RBFOX1: variants seen among roughly 807,000 people sequenced by gnomAD.
RBFOX1 encodes the protein RNA binding fox-1 homolog 1, also known as RNA binding protein fox-1 homolog 1.
In RBFOX1, 8 loss-of-function variants were observed where a neutral mutation model predicts 57.7. The ratio of observed to expected loss-of-function variants is 0.14; its 90% CI spans 0.08 to 0.25. The LOEUF (loss-of-function observed/expected upper bound fraction) is 0.25. RBFOX1 is among the 10% of genes least tolerant of loss of function. The pLI, the probability that RBFOX1 is intolerant of heterozygous loss-of-function variation, is 1.00. For synonymous variants in RBFOX1, 326 were observed against 222.4 expected, an observed-to-expected ratio of 1.47 and a Z score of -4.15; for missense variants, 611 against 548.5, an observed-to-expected ratio of 1.11 and a Z score of -1.14.
At chr16:7,292,385 C>A (rs1234484579) in intron 4 of RBFOX1, among the ~76,000 whole-genome samples, 2 of 135,468 alleles carry the variant, frequency 1.5e-5, no homozygotes, top group Non-Finnish European at 3.1e-5. Flanking sequence ...ATATGATATA[C>A]ATGATATATA....
At chr16:5,756,248 A>T (rs981158990) in intron 3 of RBFOX1, among the ~76,000 whole-genome samples, 4 of 137,496 alleles carry the variant, frequency 2.9e-5, no homozygotes, top group Non-Finnish European at 6.2e-5. Context: ...AAAAAAAAAA[A>T]CCCTGCACCA....
chr16:6,397,471 G>A (rs955001114), intron 2 of RBFOX1, among the ~76,000 whole-genome samples: 33 of 152,108 alleles, frequency 2.2e-4, no homozygotes, highest in African/African-American at 7.7e-4. Context: ...GAAATTAATA[G>A]GAAGATGCAT....
At chr16:7,577,175 C>A (rs1015645435) in intron 5 of RBFOX1, among the ~76,000 whole-genome samples, 2 of 152,224 alleles carry the variant, frequency 1.3e-5, no homozygotes, top group Non-Finnish European at 2.9e-5. Context: ...AGTGAGCCAA[C>A]TGTTAAACAG....
chr16:5,544,865 C>T (rs1451595843), intron 2 of RBFOX1, among the ~76,000 whole-genome samples: 1 of 150,108 alleles, frequency 6.7e-6, no homozygotes, highest in African/African-American at 2.5e-5. Context: ...CGTATTAACC[C>T]TATATCAAGT....
At chr16:7,048,054 T>G (rs1248338840) in intron 3 of RBFOX1, among the ~76,000 whole-genome samples, 1 of 151,888 alleles carries the variant, frequency 6.6e-6, no homozygotes, top group Non-Finnish European at 1.5e-5. Context: ...AATTTTTGTA[T>G]TTTTAGTAGA....
intron 4 of RBFOX1, among the ~76,000 whole-genome samples, chr16:7,297,942 TGC>T (rs2095934705): frequency 2.0e-5 from 3 of 152,162 alleles, no homozygotes; most frequent in Admixed American, 6.6e-5. Flanking sequence ...TTTACGCACA[TGC>T]ATATGCACAT....
intron 5 of RBFOX1, among the ~76,000 whole-genome samples, chr16:7,570,558 C>T (rs7501025): frequency 0.13 from 20,069 of 152,126 alleles, 1,702 homozygotes; most frequent in Admixed American, 0.22. Flanking sequence ...TGCAGCTAGG[C>T]TCAGAAGGAT....
chr16:7,573,076 G>C (rs906637525), intron 5 of RBFOX1, among the ~76,000 whole-genome samples: 4 of 152,152 alleles, frequency 2.6e-5, no homozygotes, highest in Non-Finnish European at 4.4e-5. Context: ...AGGGGAGAGA[G>C]AGTGCTGGTG....
chr16:5,623,948 A>C (rs1206346675), intron 3 of RBFOX1, among the ~76,000 whole-genome samples: 1 of 152,208 alleles, frequency 6.6e-6, no homozygotes, highest in Non-Finnish European at 1.5e-5. Flanking sequence ...AGCACAATCA[A>C]CTTTAGAACA....
intron 3 of RBFOX1, among the ~76,000 whole-genome samples, chr16:6,702,152 C>T (rs999457728): frequency 6.6e-6 from 1 of 152,172 alleles, no homozygotes; most frequent in African/African-American, 2.4e-5. Context: ...AGGGACGGAA[C>T]CAAGCCGTTC....
intron 10 of RBFOX1, among the ~76,000 whole-genome samples, chr16:7,615,488 A>C (rs1176246992): frequency 1.3e-5 from 2 of 152,200 alleles, no homozygotes; most frequent in Non-Finnish European, 2.9e-5. Flanking sequence ...CAGGTAAATT[A>C]GATCCAGTGA....
intron 2 of RBFOX1, among the ~76,000 whole-genome samples, chr16:6,478,435 T>A (rs1441662452): frequency 1.5e-3 from 142 of 97,410 alleles, no homozygotes; most frequent in African/African-American, 7.0e-3. Flanking sequence ...ATATATTTTT[T>A]TTTTTTTTTT....
intron 1 of RBFOX1, among the ~76,000 whole-genome samples, chr16:6,315,271 A>G (rs565749810): frequency 6.6e-6 from 1 of 152,298 alleles, no homozygotes; most frequent in African/African-American, 2.4e-5. Flanking sequence ...AGATGGATGG[A>G]TGGGTAGGTG....
chr16:7,063,123 A>G (rs2054998576), intron 4 of RBFOX1, among the ~76,000 whole-genome samples: 1 of 151,814 alleles, frequency 6.6e-6, no homozygotes, highest in African/African-American at 2.4e-5. Flanking sequence ...ATGTATTGAC[A>G]GCTAAGAGAA....
chr16:6,437,058 C>A (rs551143527), intron 2 of RBFOX1, among the ~76,000 whole-genome samples: 2 of 152,114 alleles, frequency 1.3e-5, no homozygotes, highest in Non-Finnish European at 1.5e-5. Flanking sequence ...GGCTCTTTGG[C>A]TATTTTCAAG....
intron 4 of RBFOX1, among the ~76,000 whole-genome samples, chr16:5,899,846 G>A (rs1472994639): frequency 6.6e-6 from 1 of 152,210 alleles, no homozygotes. Flanking sequence ...GACTGAGGCA[G>A]GTGGATCACG....
In RBFOX1 at chr16:6,477,633, A is replaced by G. The variant is rs1361710338; in HGVS notation, c.-64+160576A>G. On this transcript the variant is annotated intron_variant, in intron 2 of 15. Transcript: ENST00000550418. ...CCTAGGAGATTCAAAATGGTAAATG[A>G]GCCTTGCTTTCAATTTAAAGTTACC... Among the ~76,000 whole-genome samples the G allele has an allele frequency of 5.9e-5, 9 of 152,318 alleles. No individual in the cohort carries two copies. The East Asian group carries it at 1.7e-3, about 29-fold the overall frequency.
intron 1 of RBFOX1, among the ~76,000 whole-genome samples, chr16:6,023,295 C>G (rs940532497): frequency 6.6e-6 from 1 of 151,582 alleles, no homozygotes; most frequent in East Asian, 1.9e-4. Flanking sequence ...ATAGAACCTG[C>G]TCCTGTAAGG....
At chr16:7,370,859 A>G (rs1369760902) in intron 4 of RBFOX1, among the ~76,000 whole-genome samples, 2 of 152,250 alleles carry the variant, frequency 1.3e-5, no homozygotes, top group African/African-American at 4.8e-5. Context: ...TGCAAAGAAC[A>G]CTGACATTTA....
Sources: gnomAD v4.1 joint callset for allele counts (sites outside exome capture counted in the v4.1 genomes callset) on GRCh38, gnomAD v4.1.1 for gene constraint, MANE v1.5 for transcripts, NCBI Gene and HGNC (gene_info 2026-07-23, HGNC 2026-07-21) for gene names.